TMEM160: variants seen among roughly 807,000 people sequenced by gnomAD.
TMEM160 encodes transmembrane protein 160.
Under a neutral mutation model 13.9 loss-of-function variants are expected in TMEM160, and 10 were observed. The ratio of observed to expected loss-of-function variants is 0.72; its 90% confidence interval spans 0.45 to 1.22. The LOEUF is 1.22. Ranked by LOEUF, TMEM160 falls within the 50% of genes most tolerant of loss-of-function variation. The pLI is 0.00. For missense variants in TMEM160, 287 were observed against 283.2 expected (o/e 1.01, Z -0.10); for synonymous variants, 159 against 134.8 (o/e 1.18, Z -1.25).
At chr19:47,047,581 T>C in intron 1 of TMEM160, 1 of 985,090 alleles carries the variant, frequency 1.0e-6, no homozygotes, top group Non-Finnish European at 1.2e-6. Flanking sequence ...CCTAGTGAGG[T>C]GACTCACACC....
At chr19:47,047,844 A>T (rs1178775030) in intron 1 of TMEM160, 1 of 966,986 alleles carries the variant, frequency 1.0e-6, no homozygotes, top group Admixed American at 6.2e-5. Context: ...AGACACCGTC[A>T]TTAAAAAAAT....
At chr19:47,047,972 C>T in intron 1 of TMEM160, 1 of 979,120 alleles carries the variant, frequency 1.0e-6, no homozygotes, top group East Asian at 1.1e-4. Flanking sequence ...AGAGCTTTCT[C>T]CCGATTGGTT....
At chr19:47,047,797 G>C (rs2057088837) in intron 1 of TMEM160, 1 of 748,734 alleles carries the variant, frequency 1.3e-6, no homozygotes, top group African/African-American at 1.9e-5. Context: ...AGTGGGCTAC[G>C]ATTGCGCCAC....
chr19:47,047,204 C>T (rs8105893), intron 1 of TMEM160: 2 of 935,430 alleles, frequency 2.1e-6, no homozygotes, highest in African/African-American at 3.6e-5. Context: ...AGTGAGACTC[C>T]GTCTCAAAAA....
chr19:47,045,919 G>A lies in TMEM160; in HGVS notation c.*68C>T. ...CCAATACTCTGCATCTGGAGGAGGG[G>A]AGGTCAGGTTTAATGTCCCAGTCCT... On this transcript the variant is annotated 3_prime_UTR_variant, in exon 3 of 3. Transcript: ENST00000253047. 2 of 1,434,628 alleles carry A rather than the reference G, an allele frequency of 1.4e-6. No individual in the cohort carries two copies. Among genetic ancestry groups the A allele is most frequent in the Non-Finnish European group, 1.8e-6 (2 of 1,093,928 alleles). The allele number at this position is 1,434,628 out of a possible 1,614,324, so 88.9% of individuals were successfully genotyped here.
chr19:47,046,275 A>G, intron 2 of TMEM160, 23 bp from the exon 3 acceptor site: 2 of 1,528,188 alleles, frequency 1.3e-6, no homozygotes, highest in Non-Finnish European at 1.7e-6. Context: ...CAGGGTAGCA[A>G]CAGGGCCAAG....
rs776825356 is a variant in TMEM160 at position 47,048,520 on chromosome 19, C to T, written c.95G>A (p.Gly32Asp). ...GCCGGGGGCGAAGGACCCCCGGGCG[C>T]CCCCGCTCCGGGGCCGCTGAGGCGG... Reference protein sequence around the residue: ...LLPPQRPRSGGARGSFAPGHG... With the variant: ...LLPPQRPRSGDARGSFAPGHG... Residue 32 changes from glycine to aspartate, a missense_variant, in exon 1 of 3, where the codon GGC becomes GAC. By Grantham distance (94) the Gly-to-Asp change is moderately conservative (BLOSUM62 -1). Transcript: ENST00000253047. 17 of 1,481,952 alleles carry T rather than the reference C, an allele frequency of 1.1e-5. No individual in the cohort carries two copies. Among genetic ancestry groups the T allele is most frequent in the Non-Finnish European group, 1.4e-5 (16 of 1,123,798 alleles). The allele number at this position is 1,481,952 out of a possible 1,614,324, so 91.8% of individuals were successfully genotyped here. A position where few individuals can be genotyped will look rare whatever the true frequency, so the allele number is the denominator to read the frequency against.
intron 2 of TMEM160, 41 bp from the exon 3 acceptor site, chr19:47,046,293 G>A: frequency 6.6e-7 from 1 of 1,509,004 alleles, no homozygotes; most frequent in Non-Finnish European, 8.8e-7. Context: ...AAGGTCGGGG[G>A]ATGGTCTGGG....
Position 47,046,078 on chromosome 19 carries a change from T to A in TMEM160, c.476A>T (p.Gln159Leu). ...WACAVGLYMG[Q>L]LELDVELVPE... The stretch of plus-strand genomic sequence containing the variant: ...CACCAGCTCCACGTCCAGCTCCAGC[T>A]GCCCCATGTAGAGGCCCACGGCGCA... Residue 159 changes from glutamine to leucine, a missense_variant, in exon 3 of 3, where the codon CAG becomes CTG. Gln to Leu is a moderately radical substitution (Grantham distance 113). Transcript: ENST00000253047. 2.6e-6 allele frequency: 4 copies of A among 1,544,918 alleles called. No individual in the cohort carries two copies. Among genetic ancestry groups the A allele is most frequent in the Non-Finnish European group, 3.5e-6 (4 of 1,151,944 alleles).
chr19:47,046,306 C>A, intron 2 of TMEM160, 54 bp from the exon 3 acceptor site: 1 of 1,499,888 alleles, frequency 6.7e-7, no homozygotes, highest in South Asian at 1.3e-5. Context: ...GGTCTGGGAG[C>A]AAAGCCAGGG....
chr19:47,048,032 T>G (rs1214146981), intron 1 of TMEM160, among the ~76,000 whole-genome samples: 2 of 150,650 alleles, frequency 1.3e-5, no homozygotes, highest in South Asian at 2.1e-4. Context: ...GGATCCACAC[T>G]CCCGCTCTCT....
chr19:47,046,203 G>A lies in TMEM160; in HGVS notation c.351C>T (p.Tyr117=), dbSNP rs771490643. 9.1e-6 allele frequency: 14 copies of A among 1,530,624 alleles called. No homozygotes were observed. Among genetic ancestry groups the A allele is most frequent in the East Asian group, 7.5e-5 (3 of 40,242 alleles). The allele number at this position is 1,530,624 out of a possible 1,614,324, so 94.8% of individuals were successfully genotyped here. ...CTCGCAGCGCCGCCAGGCCCACGGCGTACGAGGCGCTGCCCCACACCACGC... is the reference window on the plus strand; with the variant it reads ...CTCGCAGCGCCGCCAGGCCCACGGCATACGAGGCGCTGCCCCACACCACGC... ...GLCVVWGSAS[Y]AVGLAALRGP... is the part of the protein sequence containing the mutation. Residue 117 remains tyrosine, a synonymous_variant, in exon 3 of 3, where the codon TAC becomes TAT. Coordinates refer to ENST00000253047, the MANE Select transcript of TMEM160 (RefSeq NM_017854.2).
intron 2 of TMEM160, 22 bp from the exon 3 acceptor site, chr19:47,046,274 A>AGGGC (rs1473478741): frequency 3.9e-6 from 6 of 1,528,068 alleles, no homozygotes; most frequent in Non-Finnish European, 5.2e-6. Context: ...GCAGGGTAGC[A>AGGGC]ACAGGGCCAA....
intron 1 of TMEM160, chr19:47,047,381 T>C (rs553254302): frequency 3.1e-6 from 3 of 980,202 alleles, no homozygotes; most frequent in East Asian, 1.1e-4. Context: ...AACTGTTTCC[T>C]AATCCAGGCC....
Position 47,045,935 on chromosome 19 carries a change from T to C in TMEM160, c.*52A>G. The C allele has an allele frequency of 6.8e-7, 1 of 1,477,420 alleles. No individual in the cohort carries two copies. The highest frequency in any genetic ancestry group is 1.3e-5 in the South Asian group (1 of 76,508). 91.5% of individuals were successfully genotyped at this position (1,477,420 alleles called of 1,614,324 possible). Reference sequence around the variant, plus strand: ...GGAGGAGGGGAGGTCAGGTTTAATGTCCCAGTCCTCGGGCGCTGTCCAGCG... The same window carrying C: ...GGAGGAGGGGAGGTCAGGTTTAATGCCCCAGTCCTCGGGCGCTGTCCAGCG... On this transcript the variant is annotated 3_prime_UTR_variant, in exon 3 of 3. Transcript: ENST00000253047.
At chr19:47,047,703 G>C (rs577129444) in intron 1 of TMEM160, 46 of 608,228 alleles carry the variant, frequency 7.6e-5, no homozygotes, top group Non-Finnish European at 9.1e-5. Context: ...TAAAATAGTT[G>C]GGTGCGGTGG....
At chr19:47,047,053 T>G (rs1401745011) in intron 1 of TMEM160, among the ~76,000 whole-genome samples, 1 of 152,006 alleles carries the variant, frequency 6.6e-6, no homozygotes. Context: ...CTACTAAAAA[T>G]GTTAAAATTA....
intron 1 of TMEM160, among the ~76,000 whole-genome samples, chr19:47,047,058 A>C (rs1448335176): frequency 1.3e-5 from 2 of 152,148 alleles, no homozygotes; most frequent in Non-Finnish European, 2.9e-5. Flanking sequence ...AAAAATGTTA[A>C]AATTAGCAGG....
chr19:47,046,997 G>A (rs1471517729), intron 1 of TMEM160, among the ~76,000 whole-genome samples: 1 of 152,048 alleles, frequency 6.6e-6, no homozygotes, highest in Admixed American at 6.5e-5. Context: ...GGATCATGAG[G>A]TCAGGAGTTT....
Sources: allele counts gnomAD v4.1 joint callset (sites outside exome capture counted in the v4.1 genomes callset), GRCh38; gene constraint gnomAD v4.1.1; transcripts MANE v1.5; gene names NCBI Gene and HGNC (gene_info 2026-07-23, HGNC 2026-07-21).